Variants in TAF4B observed in about 807,000 individuals in gnomAD.
TAF4B encodes the protein TATA-box binding protein associated factor 4b, also known as transcription initiation factor TFIID subunit 4B.
Under a neutral mutation model 86.4 loss-of-function variants are expected in TAF4B, and 38 were observed. That is an observed-to-expected ratio of 0.44 (90% CI 0.34 to 0.58). The LOEUF (loss-of-function observed/expected upper bound fraction) is 0.58, where lower values mean the gene tolerates loss of function less well. TAF4B is among the 20% of genes least tolerant of loss of function. The pLI is 0.02. For synonymous variants in TAF4B, 388 were observed against 391.2 expected (o/e 0.99, Z 0.10); for missense variants, 988 against 1,027.6 (o/e 0.96, Z 0.53).
chr18:26,346,799 GTGTATATATA>G (rs2057190463), intron 13 of TAF4B, among the ~76,000 whole-genome samples: 1 of 14,868 alleles, frequency 6.7e-5, no homozygotes, highest in Non-Finnish European at 2.2e-4. Context: ...ATATATATAT[GTGTATATATA>G]TATATATGTG....
intron 10 of TAF4B, among the ~76,000 whole-genome samples, chr18:26,320,058 A>G (rs965235999): frequency 3.3e-5 from 5 of 152,360 alleles, no homozygotes; most frequent in African/African-American, 1.2e-4. Flanking sequence ...CTTTCATTAT[A>G]TAATATCAAT....
rs143629928 is a variant in TAF4B, at chr18:26,314,281, T to C, written c.1833-948T>C. On this transcript the variant is annotated intron_variant, in intron 9 of 14. Transcript: ENST00000269142. ...TATAACACTGGTAAGATGCTTCTTATTACATATAGTGACAAGGATGCTATG... is the reference window on the plus strand; with the variant it reads ...TATAACACTGGTAAGATGCTTCTTACTACATATAGTGACAAGGATGCTATG... 1.5e-3 allele frequency among the ~76,000 whole-genome samples: 232 copies of C among 152,336 alleles called. 1 individual carries two copies. The highest frequency in any genetic ancestry group is 5.3e-3 in the African/African-American group (222 of 41,572).
chr18:26,384,588 A>G (rs1305404331), intron 14 of TAF4B, among the ~76,000 whole-genome samples: 1 of 152,206 alleles, frequency 6.6e-6, no homozygotes, highest in Non-Finnish European at 1.5e-5. Flanking sequence ...GTAACCAGTG[A>G]TTTAGTGAAG....
intron 13 of TAF4B, among the ~76,000 whole-genome samples, chr18:26,350,036 A>G (rs542452781): frequency 6.6e-6 from 1 of 152,152 alleles, no homozygotes; most frequent in African/African-American, 2.4e-5. Context: ...GTACACCTCC[A>G]CCTCTTACCC....
intron 1 of TAF4B, among the ~76,000 whole-genome samples, chr18:26,233,594 A>G (rs1446910903): frequency 6.6e-6 from 1 of 152,174 alleles, no homozygotes; most frequent in Non-Finnish European, 1.5e-5. Context: ...GCCTGATAAC[A>G]GGTTGCGCTG....
intron 6 of TAF4B, among the ~76,000 whole-genome samples, chr18:26,284,616 G>A (rs372856372): frequency 1.3e-5 from 2 of 152,194 alleles, no homozygotes; most frequent in Admixed American, 6.5e-5. Flanking sequence ...GGTGGCTCAC[G>A]CGTGTAATCC....
intron 10 of TAF4B, among the ~76,000 whole-genome samples, chr18:26,316,674 C>T (rs754817254): frequency 7.2e-5 from 11 of 152,240 alleles, no homozygotes; most frequent in Admixed American, 5.2e-4. Flanking sequence ...CGTGAGCCAC[C>T]GTGCCTGGCT....
chr18:26,278,616 G>GT (rs57064009), intron 5 of TAF4B, among the ~76,000 whole-genome samples: 25 of 140,416 alleles, frequency 1.8e-4, no homozygotes, highest in South Asian at 6.8e-4. Context: ...GCCTTCTGTT[G>GT]TTTTTTTTTT....
intron 13 of TAF4B, among the ~76,000 whole-genome samples, chr18:26,340,350 C>T (rs1471420): frequency 0.29 from 44,794 of 152,012 alleles, 7,051 homozygotes; most frequent in African/African-American, 0.36. Flanking sequence ...TGTATTTAAA[C>T]TTCATGCAAG....
At chr18:26,259,623 T>G (rs2056136272) in intron 1 of TAF4B, among the ~76,000 whole-genome samples, 1 of 152,240 alleles carries the variant, frequency 6.6e-6, no homozygotes, top group African/African-American at 2.4e-5. Context: ...TCATCCTTTT[T>G]TATGGCTGCA....
intron 1 of TAF4B, among the ~76,000 whole-genome samples, chr18:26,236,519 G>C (rs543294171): frequency 1.3e-5 from 2 of 152,292 alleles, no homozygotes; most frequent in African/African-American, 2.4e-5. Context: ...GAGAACCTTT[G>C]TTTTCTAGGG....
chr18:26,253,360 A>G (rs1007826590), intron 1 of TAF4B, among the ~76,000 whole-genome samples: 1 of 152,094 alleles, frequency 6.6e-6, no homozygotes, highest in African/African-American at 2.4e-5. Flanking sequence ...CTTTCATTCT[A>G]TCGATAGGGT....
intron 7 of TAF4B, 120 bp downstream of exon 7, chr18:26,286,619 A>G: frequency 1.0e-6 from 1 of 991,968 alleles, no homozygotes; most frequent in Non-Finnish European, 1.3e-6. Flanking sequence ...TTGACCAATT[A>G]ATTTTTTTTT....
intron 13 of TAF4B, among the ~76,000 whole-genome samples, chr18:26,351,548 G>T (rs1304240074): frequency 1.3e-5 from 2 of 151,844 alleles, no homozygotes; most frequent in Admixed American, 6.6e-5. Context: ...TGAGATGATG[G>T]GTATACTAAT....
At chr18:26,323,154 A>G (rs1247562802) in intron 11 of TAF4B, among the ~76,000 whole-genome samples, 1 of 152,156 alleles carries the variant, frequency 6.6e-6, no homozygotes, top group Non-Finnish European at 1.5e-5. Context: ...CTTAACATAC[A>G]TTGTATCCTG....
At chr18:26,264,039 C>T (rs1043047511) in intron 1 of TAF4B, among the ~76,000 whole-genome samples, 2 of 152,156 alleles carry the variant, frequency 1.3e-5, no homozygotes, top group East Asian at 1.9e-4. Flanking sequence ...TTATTTGGGC[C>T]GAGGTTGAGT....
intron 5 of TAF4B, among the ~76,000 whole-genome samples, chr18:26,277,720 T>C (rs559347172): frequency 1.3e-5 from 2 of 152,346 alleles, no homozygotes; most frequent in South Asian, 4.1e-4. Context: ...TTATCCTGCA[T>C]GCTGAATGGA....
At chr18:26,266,106 T>G (rs1394647342) in intron 2 of TAF4B, 1 of 152,094 alleles carries the variant, frequency 6.6e-6, no homozygotes, top group Non-Finnish European at 1.5e-5. Context: ...TTTGGTAAAA[T>G]AGTAATATTC....
intron 14 of TAF4B, among the ~76,000 whole-genome samples, chr18:26,380,554 G>A (rs181914143): frequency 6.7e-4 from 102 of 152,228 alleles, no homozygotes; most frequent in East Asian, 1.2e-3. Flanking sequence ...TGTCTTTCTC[G>A]TGAATTGCCT....
Sources: gnomAD v4.1 joint callset for allele counts (sites outside exome capture counted in the v4.1 genomes callset) on GRCh38, gnomAD v4.1.1 for gene constraint, MANE v1.5 for transcripts, NCBI Gene and HGNC (gene_info 2026-07-23, HGNC 2026-07-21) for gene names.